ECD: variants seen among roughly 807,000 people sequenced by gnomAD.
The protein encoded by ECD is protein ecdysoneless homolog.
A neutral mutation model predicts 77.2 loss-of-function variants in ECD; 59 were observed. The observed-to-expected ratio is 0.76, with a 90% CI of 0.62 to 0.95. ECD has a LOEUF of 0.95. Ranked by LOEUF, ECD falls within the 40% of genes least tolerant of loss-of-function variation. The pLI is 0.00. For synonymous variants in ECD, 233 were observed against 267.4 expected, an observed-to-expected ratio of 0.87 and a Z score of 1.26; for missense variants, 704 against 763.4, an observed-to-expected ratio of 0.92 and a Z score of 0.92.
chr10:73,154,193 A>C, intron 6 of ECD, 63 bp downstream of exon 6: 2 of 1,476,816 alleles, frequency 1.4e-6, no homozygotes, highest in Admixed American at 4.8e-5. Context: ...AAAAGAAAAA[A>C]ATAATAATGT....
At chr10:73,151,372 T>C (rs1167719550) in intron 7 of ECD, among the ~76,000 whole-genome samples, 2 of 101,590 alleles carry the variant, frequency 2.0e-5, no homozygotes, top group African/African-American at 7.8e-5. Context: ...CACCGGGGCC[T>C]GTTGTGGGGT....
Position 73,156,303 on chromosome 10 carries a change from G to A in ECD, c.562C>T (p.Arg188Ter), listed in dbSNP as rs771034766. ...SEKILASESI[R>*]AAVNRRIRGY... is the part of the protein sequence containing the mutation. Reference sequence around the variant, plus strand: ...CTGATGCGCCTATTCACAGCAGCTCGTATAGATTCTGAAGCAAGTATTTTT... The same window carrying A: ...CTGATGCGCCTATTCACAGCAGCTCATATAGATTCTGAAGCAAGTATTTTT... The change falls in exon 5 of 14, where the codon CGA becomes TGA. Residue 188 changes from arginine to a stop codon, truncating the protein, a stop_gained. Transcript: ENST00000372979. LOFTEE classifies it high-confidence loss of function. 1.9e-5 allele frequency: 31 copies of A among 1,608,058 alleles called. No individual in the cohort carries two copies. The highest frequency in any genetic ancestry group is 5.4e-5 in the African/African-American group (4 of 74,524).
At chr10:73,140,087 A>C (rs12254982) in intron 9 of ECD, among the ~76,000 whole-genome samples, 23,805 of 151,656 alleles carry the variant, frequency 0.16, 3,103 homozygotes, top group African/African-American at 0.33. Context: ...CAGGTTGAAG[A>C]GATTCTCCTG....
intron 7 of ECD, 94 bp downstream of exon 7, chr10:73,152,199 G>T: frequency 7.1e-7 from 1 of 1,413,484 alleles, no homozygotes; most frequent in Non-Finnish European, 9.7e-7. Flanking sequence ...TACATAAACA[G>T]GGTGTATTTC....
At chr10:73,140,907 G>C (rs145029625) in intron 9 of ECD, among the ~76,000 whole-genome samples, 2 of 150,104 alleles carry the variant, frequency 1.3e-5, no homozygotes, top group African/African-American at 4.9e-5. Flanking sequence ...TATAAAACAC[G>C]TACTAAAAAT....
intron 12 of ECD, 82 bp from the exon 13 acceptor site, chr10:73,137,000 A>T: frequency 1.4e-6 from 1 of 695,942 alleles, no homozygotes; most frequent in South Asian, 5.9e-5. Flanking sequence ...GTTACTACAC[A>T]TCTCAAAATA....
chr10:73,155,428 T>C (rs1002729657), intron 5 of ECD, among the ~76,000 whole-genome samples: 1 of 151,274 alleles, frequency 6.6e-6, no homozygotes, highest in African/African-American at 2.4e-5. Flanking sequence ...CACCCAAATT[T>C]GAATGGATGA....
rs1181963434 is a variant in ECD at position 73,136,875 on chromosome 10, TTCA to T, written c.1530_1532del (p.Asp510del). The T allele has an allele frequency of 6.2e-7, 1 of 1,613,828 alleles. No individual in the cohort carries two copies. Among genetic ancestry groups the T allele is most frequent in the Non-Finnish European group, 8.5e-7 (1 of 1,179,986 alleles). On this transcript the variant is annotated inframe_deletion, in exon 13 of 14. Coordinates refer to ENST00000372979, the MANE Select transcript of ECD (RefSeq NM_007265.3). ...CATCACTATCTAAACATTCAAAGTC[TTCA>T]TCATCCAGATCATCAGAATCTGACT...
Position 73,139,289 on chromosome 10 carries a change from T to G in ECD, c.1421+20A>C. 1.9e-6 allele frequency: 3 copies of G among 1,584,692 alleles called. No homozygotes were observed. Among genetic ancestry groups the G allele is most frequent in the Non-Finnish European group, 2.6e-6 (3 of 1,170,752 alleles). On this transcript the variant is annotated intron_variant, in intron 11 of 13. Coordinates refer to ENST00000372979, the MANE Select transcript of ECD (RefSeq NM_007265.3). ...TTTGGGTTCTAGCTATTTATATATT[T>G]ATACTTTAACACAAATTACCGAGGC...
intron 1 of ECD, among the ~76,000 whole-genome samples, chr10:73,166,729 T>C (rs542503512): frequency 2.0e-5 from 3 of 152,206 alleles, no homozygotes; most frequent in African/African-American, 7.2e-5. Flanking sequence ...GTCAGATGGG[T>C]AGTTTGCAAA....
At chr10:73,138,444 C>A (rs1170218554) in intron 11 of ECD, among the ~76,000 whole-genome samples, 2 of 152,166 alleles carry the variant, frequency 1.3e-5, no homozygotes, top group African/African-American at 4.8e-5. Context: ...TAAACAAGAA[C>A]ATATCTTCCC....
intron 7 of ECD, among the ~76,000 whole-genome samples, chr10:73,149,147 A>G (rs1012569191): frequency 6.6e-6 from 1 of 152,216 alleles, no homozygotes; most frequent in African/African-American, 2.4e-5. Flanking sequence ...CTACTAATGG[A>G]CATTTAAGTA....
At position 73,140,725 on chromosome 10, in the gene ECD, G is replaced by A. The variant is rs1431808373; in HGVS notation, c.1128-988C>T. Among the ~76,000 whole-genome samples, 8 of 151,698 alleles carry A rather than the reference G, an allele frequency of 5.3e-5. No individual in the cohort carries two copies. The East Asian group carries it at 1.4e-3, about 26-fold the overall frequency. On this transcript the variant is annotated intron_variant, in intron 9 of 13. Coordinates refer to ENST00000372979, the MANE Select transcript of ECD (RefSeq NM_007265.3). ...ATAAATTGGAGGATAGAAGCTCAGAGATCTACACAATTGGCCTTCCTTTTT... is the reference window on the plus strand; with the variant it reads ...ATAAATTGGAGGATAGAAGCTCAGAAATCTACACAATTGGCCTTCCTTTTT...
rs1842997146 is a variant in ECD, at chr10:73,137,924, A to G, written c.1489+79T>C. ...AAGCAAACATTTTGGCTTCTGAGATATCTCATAAACCAATGCTCTAGCAAC... is the reference window on the plus strand; with the variant it reads ...AAGCAAACATTTTGGCTTCTGAGATGTCTCATAAACCAATGCTCTAGCAAC... On this transcript the variant is annotated intron_variant, in intron 12 of 13. Transcript: ENST00000372979. 8.6e-6 allele frequency: 9 copies of G among 1,041,848 alleles called. No individual in the cohort carries two copies. The South Asian group carries it at 1.9e-4, about 22-fold the overall frequency. 64.5% of individuals were successfully genotyped at this position (1,041,848 alleles called of 1,614,324 possible).
At chr10:73,165,115 T>A (rs1233640755) in intron 1 of ECD, among the ~76,000 whole-genome samples, 1 of 152,162 alleles carries the variant, frequency 6.6e-6, no homozygotes, top group Non-Finnish European at 1.5e-5. Flanking sequence ...GGATAAGTTA[T>A]CTACCATCTC....
Position 73,134,512 on chromosome 10 carries a change from C to T in ECD, c.*71G>A, listed in dbSNP as rs1263876434. 7.3e-6 allele frequency: 10 copies of T among 1,379,260 alleles called. No individual in the cohort carries two copies. Among genetic ancestry groups the T allele is most frequent in the Non-Finnish European group, 9.9e-6 (10 of 1,009,662 alleles). 85.4% of individuals were successfully genotyped at this position (1,379,260 alleles called of 1,614,324 possible). On this transcript the variant is annotated 3_prime_UTR_variant, in exon 14 of 14. Transcript: ENST00000372979. ...GAAACATTTTTACTAAATGAGTAAT[C>T]TAAACTAGAAATGAACAGAATCATA...
intron 12 of ECD, 138 bp downstream of exon 12, chr10:73,137,865 T>C (rs1161356633): frequency 5.5e-6 from 3 of 549,852 alleles, no homozygotes; most frequent in Middle Eastern, 2.9e-4. Context: ...TGGGTAGTAA[T>C]TCATGGTTGA....
chr10:73,150,589 C>T (rs1250662186), intron 7 of ECD, among the ~76,000 whole-genome samples: 2 of 152,098 alleles, frequency 1.3e-5, no homozygotes, highest in Admixed American at 6.5e-5. Context: ...GAACAGGCAA[C>T]CTACAGAATG....
chr10:73,146,028 G>C (rs1000023644), intron 9 of ECD, among the ~76,000 whole-genome samples: 44 of 151,744 alleles, frequency 2.9e-4, no homozygotes, highest in African/African-American at 9.9e-4. Context: ...AAATTACATA[G>C]AGGAGGATGC....
Sources: allele counts gnomAD v4.1 joint callset (sites outside exome capture counted in the v4.1 genomes callset), GRCh38; gene constraint gnomAD v4.1.1; transcripts MANE v1.5; gene names NCBI Gene and HGNC (gene_info 2026-07-23, HGNC 2026-07-21).